Variants in SPOCK1 observed in about 807,000 individuals in gnomAD.
The protein encoded by SPOCK1 is testican-1.
SPOCK1 carries 23 observed loss-of-function variants against 55.3 expected under a neutral mutation model. The ratio of observed to expected loss-of-function variants is 0.42; its 90% CI spans 0.30 to 0.59. SPOCK1 has a LOEUF of 0.59. SPOCK1 is among the 20% of genes least tolerant of loss of function. The pLI is 0.22. For synonymous variants in SPOCK1, 226 were observed against 221.0 expected, an observed-to-expected ratio of 1.02 and a Z score of -0.20; for missense variants, 499 against 552.5, an observed-to-expected ratio of 0.90 and a Z score of 0.97.
At position 137,140,598 on chromosome 5, in the gene SPOCK1, C is replaced by T. The variant is rs776228974; in HGVS notation, c.329G>A (p.Arg110His). Reference protein sequence around the residue: ...QDYQTALCVSRKHLLPRQKKG... With the variant: ...QDYQTALCVSHKHLLPRQKKG... ...GCCTTACCTGGGGAGCAGGTGCTTG[C>T]GGCTGACACACAGGGCGGTCTGGTA... The change falls in exon 4 of 11, where the codon CGC (arginine) becomes CAC (histidine). Residue 110 changes from arginine (R) to histidine (H), a missense_variant. By Grantham distance (29) the Arg-to-His change is conservative. Coordinates refer to ENST00000394945, the MANE Select transcript of SPOCK1 (RefSeq NM_004598.4). The T allele has an allele frequency of 1.2e-5, 20 of 1,613,066 alleles. No homozygotes were observed. The highest frequency in any genetic ancestry group is 1.1e-4 in the East Asian group (5 of 44,860).
chr5:137,105,480 A>G (rs1753346417), intron 5 of SPOCK1, among the ~76,000 whole-genome samples: 1 of 152,232 alleles, frequency 6.6e-6, no homozygotes, highest in Admixed American at 6.5e-5. Context: ...CAGAGAAGTC[A>G]TGCTGAGCTT....
intron 2 of SPOCK1, among the ~76,000 whole-genome samples, chr5:137,338,134 G>A (rs941035412): frequency 2.0e-5 from 3 of 152,026 alleles, no homozygotes; most frequent in African/African-American, 7.2e-5. Flanking sequence ...TCGTCATTTA[G>A]CATTAGGTAT....
chr5:137,183,403 T>C (rs1755006639), intron 3 of SPOCK1, among the ~76,000 whole-genome samples: 1 of 152,202 alleles, frequency 6.6e-6, no homozygotes, highest in African/African-American at 2.4e-5. Context: ...TAGAAAGTTA[T>C]TGGCCTTAAA....
chr5:137,382,703 T>G (rs560454060), intron 2 of SPOCK1, among the ~76,000 whole-genome samples: 1 of 152,158 alleles, frequency 6.6e-6, no homozygotes, highest in African/African-American at 2.4e-5. Context: ...GAGAACAGCA[T>G]GGGGGAAATC....
chr5:137,483,846 A>G (rs1753997603), intron 2 of SPOCK1, among the ~76,000 whole-genome samples: 1 of 152,230 alleles, frequency 6.6e-6, no homozygotes, highest in Admixed American at 6.5e-5. Context: ...GAACTCCCAA[A>G]GAGCTGACAC....
intron 2 of SPOCK1, among the ~76,000 whole-genome samples, chr5:137,322,039 A>G (rs962975207): frequency 6.6e-6 from 1 of 152,208 alleles, no homozygotes; most frequent in African/African-American, 2.4e-5. Flanking sequence ...AGTTGAAAAG[A>G]AAGAATGCTA....
chr5:137,365,117 AC>A (rs1367843372), intron 2 of SPOCK1: 5 of 152,370 alleles, frequency 3.3e-5, no homozygotes, highest in African/African-American at 4.8e-5. Flanking sequence ...TCTGCAGAAC[AC>A]CCAGCTTTCC....
intron 2 of SPOCK1, among the ~76,000 whole-genome samples, chr5:137,448,882 C>T (rs1753188600): frequency 6.6e-6 from 1 of 152,210 alleles, no homozygotes; most frequent in Non-Finnish European, 1.5e-5. Context: ...AGGGCCCTAT[C>T]AGAAAAGCCC....
intron 3 of SPOCK1, among the ~76,000 whole-genome samples, chr5:137,162,131 C>CTTTTTT (rs566233599): frequency 7.6e-6 from 1 of 131,812 alleles, no homozygotes; most frequent in Non-Finnish European, 1.6e-5. Context: ...CTAATGCTTT[C>CTTTTTT]TTTTTTTTTT....
At chr5:137,473,195 T>G (rs1376179194) in intron 2 of SPOCK1, among the ~76,000 whole-genome samples, 2 of 152,170 alleles carry the variant, frequency 1.3e-5, no homozygotes, top group Non-Finnish European at 2.9e-5. Flanking sequence ...CGGAAAATGT[T>G]CAAACAACCT....
At chr5:137,296,588 A>C (rs1757489804) in intron 2 of SPOCK1, among the ~76,000 whole-genome samples, 1 of 152,168 alleles carries the variant, frequency 6.6e-6, no homozygotes, top group South Asian at 2.1e-4. Flanking sequence ...TCAGGGGATG[A>C]AAAGGCTTTC....
At chr5:137,211,519 G>A (rs77140632) in intron 3 of SPOCK1, among the ~76,000 whole-genome samples, 3,378 of 152,264 alleles carry the variant, frequency 0.022, 127 homozygotes, top group African/African-American at 0.077. Flanking sequence ...CTTTGACCCT[G>A]GCTTCTAGCA....
At chr5:137,264,118 T>C (rs572734544) in intron 3 of SPOCK1, among the ~76,000 whole-genome samples, 7 of 152,236 alleles carry the variant, frequency 4.6e-5, no homozygotes, top group Non-Finnish European at 7.4e-5. Flanking sequence ...GAGAGCTGAA[T>C]TGATAAGTCT....
chr5:137,343,022 A>T (rs1229097157), intron 2 of SPOCK1, among the ~76,000 whole-genome samples: 1 of 152,228 alleles, frequency 6.6e-6, no homozygotes, highest in African/African-American at 2.4e-5. Flanking sequence ...AACCAAAAGA[A>T]CTGTATTCCC....
intron 3 of SPOCK1, among the ~76,000 whole-genome samples, chr5:137,147,198 T>C (rs1037340746): frequency 6.6e-6 from 1 of 152,184 alleles, no homozygotes; most frequent in Non-Finnish European, 1.5e-5. Context: ...TGTAGGTAGA[T>C]GGGTGTATAG....
intron 2 of SPOCK1, among the ~76,000 whole-genome samples, chr5:137,400,083 C>T (rs1417105210): frequency 6.6e-6 from 1 of 152,226 alleles, no homozygotes; most frequent in African/African-American, 2.4e-5. Context: ...GATTCATCTG[C>T]AAAAGCCTGG....
At chr5:137,476,539 G>C (rs968600382) in intron 2 of SPOCK1, among the ~76,000 whole-genome samples, 1 of 152,134 alleles carries the variant, frequency 6.6e-6, no homozygotes, top group African/African-American at 2.4e-5. Context: ...ATTTTCTAGG[G>C]GTGTCAGTGA....
At chr5:137,386,277 A>T (rs1751597701) in intron 2 of SPOCK1, among the ~76,000 whole-genome samples, 1 of 152,230 alleles carries the variant, frequency 6.6e-6, no homozygotes, top group Non-Finnish European at 1.5e-5. Flanking sequence ...ACTCAATATT[A>T]TCAAGATGTC....
At chr5:137,198,592 T>C (rs1312727254) in intron 3 of SPOCK1, among the ~76,000 whole-genome samples, 1 of 152,258 alleles carries the variant, frequency 6.6e-6, no homozygotes, top group African/African-American at 2.4e-5. Context: ...ATCTACAGTC[T>C]ACGAAATTTT....
Sources: gnomAD v4.1 joint callset for allele counts (sites outside exome capture counted in the v4.1 genomes callset) on GRCh38, gnomAD v4.1.1 for gene constraint, MANE v1.5 for transcripts, NCBI Gene and HGNC (gene_info 2026-07-23, HGNC 2026-07-21) for gene names.